MED16: variants seen among roughly 807,000 people sequenced by gnomAD.
The protein encoded by MED16 is mediator complex subunit 16, also known as mediator of RNA polymerase II transcription subunit 16.
A neutral mutation model predicts 84.4 loss-of-function variants in MED16; 81 were observed. The ratio of observed to expected loss-of-function variants is 0.96; its 90% confidence interval spans 0.80 to 1.15. The LOEUF (loss-of-function observed/expected upper bound fraction) is 1.15, where lower values mean the gene tolerates loss of function less well. Ranked by LOEUF, MED16 falls within the 50% of genes most tolerant of loss-of-function variation. The pLI is 0.00. For synonymous variants in MED16, 897 were observed against 552.2 expected (o/e 1.62, Z -8.76); for missense variants, 1,585 against 1,245.9 (o/e 1.27, Z -4.10).
At chr19:891,911 C>T (rs1417479474) in intron 1 of MED16, among the ~76,000 whole-genome samples, 2 of 125,434 alleles carry the variant, frequency 1.6e-5, no homozygotes, top group Non-Finnish European at 3.3e-5. Context: ...CACCTGTGGC[C>T]GAGGCGGGGC....
rs561070838 is a variant in MED16 at position 881,415 on chromosome 19, G to A, written c.1141+144C>T. 16 of 922,562 alleles carry A rather than the reference G, an allele frequency of 1.7e-5. No homozygotes were observed. In the Admixed American group the frequency reaches 2.1e-4, roughly 12 times the overall value. 57.1% of individuals were successfully genotyped at this position (922,562 alleles called of 1,614,324 possible). On this transcript the variant is annotated intron_variant, in intron 7 of 15. Coordinates refer to ENST00000325464, the MANE Select transcript of MED16 (RefSeq NM_005481.3). ...ATTGGGAACCCATCAGAACCCAGAA[G>A]GCTGAGCTCCTACAGCCCCATGGCC...
chr19:871,651 C>G (rs76711088), intron 12 of MED16: 3 of 1,589,366 alleles, frequency 1.9e-6, no homozygotes, highest in Non-Finnish European at 2.6e-6. Flanking sequence ...GAGCATGGAC[C>G]TGTGCTAGGA....
At position 880,083 on chromosome 19, in the gene MED16, C is replaced by G. The variant is rs995330005; in HGVS notation, c.1207G>C (p.Ala403Pro). The G allele has an allele frequency of 1.3e-5, 21 of 1,610,714 alleles. No individual in the cohort carries two copies. Among genetic ancestry groups the G allele is most frequent in the African/African-American group, 2.7e-5 (2 of 74,914 alleles). ...GGGGCCGCGGAGCTGTAGAAGACGG[C>G]CATGGTCTGCAGTGAGAGCCGGTGC... ...IVHRLSLQTM[A>P]VFYSSAAPRP... is the part of the protein sequence containing the mutation. The change falls in exon 8 of 16, where the codon GCC becomes CCC. Residue 403 changes from alanine to proline, a missense_variant. Coordinates refer to ENST00000325464, the MANE Select transcript of MED16 (RefSeq NM_005481.3).
chr19:882,628 G>A (rs1029735894), intron 6 of MED16, among the ~76,000 whole-genome samples: 1 of 152,246 alleles, frequency 6.6e-6, no homozygotes, highest in African/African-American at 2.4e-5. Flanking sequence ...GCTGGAGCAT[G>A]TGCGGCCAGT....
rs1348626847 is a variant in MED16 at position 893,130 on chromosome 19, T to C, written c.-63A>G. 3 of 152,276 alleles carry C rather than the reference T, an allele frequency of 2.0e-5. No homozygotes were observed. The highest frequency in any genetic ancestry group is 4.4e-5 in the Non-Finnish European group (3 of 68,072). 9.4% of individuals were successfully genotyped at this position (152,276 alleles called of 1,614,324 possible). A position where few individuals can be genotyped will look rare whatever the true frequency, so the allele number is the denominator to read the frequency against. On this transcript the variant is annotated 5_prime_UTR_variant, in exon 1 of 16. Coordinates refer to ENST00000325464, the MANE Select transcript of MED16 (RefSeq NM_005481.3). ...AGCTCAGCGGGCGTCCGCGGTGCGA[T>C]CTTCCCTAGCGCCTCGGGTCTGGCG...
chr19:874,904 C>G (rs2036192384), intron 10 of MED16, among the ~76,000 whole-genome samples: 4 of 152,016 alleles, frequency 2.6e-5, no homozygotes, highest in Admixed American at 2.0e-4. Context: ...AGCCTTTAGG[C>G]TATATCCCAG....
At chr19:880,290 G>C in intron 7 of MED16, 142 bp from the exon 8 acceptor site, 1 of 680,542 alleles carries the variant, frequency 1.5e-6, no homozygotes, top group Non-Finnish European at 2.3e-6. Context: ...TCCAGCGCCC[G>C]TGCCCCCAGC....
intron 9 of MED16, among the ~76,000 whole-genome samples, chr19:876,740 T>G (rs997709503): frequency 6.6e-5 from 10 of 151,922 alleles, no homozygotes; most frequent in South Asian, 4.2e-4. Flanking sequence ...ACATCTGCCG[T>G]GGGGACCTCT....
chr19:877,594 T>TGGCGAGG (rs1555716197), intron 8 of MED16, among the ~76,000 whole-genome samples: 1 of 152,024 alleles, frequency 6.6e-6, no homozygotes, highest in Non-Finnish European at 1.5e-5. Context: ...GGCGAGGGGC[T>TGGCGAGG]TGCACCTGTG....
intron 12 of MED16, chr19:871,546 G>A (rs1461828678): frequency 1.1e-5 from 18 of 1,584,138 alleles, no homozygotes; most frequent in African/African-American, 1.3e-5. Context: ...ATGTAAGAAT[G>A]ACACAGCTCA....
intron 4 of MED16, among the ~76,000 whole-genome samples, 158 bp downstream of exon 4, chr19:889,480 A>C (rs1364295581): frequency 6.6e-6 from 1 of 152,158 alleles, no homozygotes; most frequent in African/African-American, 2.4e-5. Flanking sequence ...AGGCCACTGA[A>C]CACACAGGTG....
intron 11 of MED16, chr19:872,904 G>A (rs1033407100): frequency 2.0e-6 from 2 of 1,014,332 alleles, no homozygotes; most frequent in Non-Finnish European, 2.4e-6. Context: ...CCAAGGAAAG[G>A]CTTCTTACAG....
At chr19:882,866 T>A (rs776739650) in intron 6 of MED16, among the ~76,000 whole-genome samples, 4 of 152,090 alleles carry the variant, frequency 2.6e-5, no homozygotes, top group Non-Finnish European at 5.9e-5. Context: ...AGCCTTGACC[T>A]CCTGCAAACC....
At chr19:877,965 C>A (rs1460509480) in intron 8 of MED16, among the ~76,000 whole-genome samples, 1 of 80,578 alleles carries the variant, frequency 1.2e-5, no homozygotes, top group South Asian at 4.7e-4. Flanking sequence ...GCCCCAGCCC[C>A]AGCCCCAGCC....
In MED16 at chr19:891,134, G is replaced by A. The variant is rs1039323349; in HGVS notation, c.-3C>T. On this transcript the variant is annotated 5_prime_UTR_variant, in exon 2 of 16. Coordinates refer to ENST00000325464, the MANE Select transcript of MED16 (RefSeq NM_005481.3). ...GCTGGCCGCCGCAAATCACACATGAGGGCAGTCACCAGCTCCTGCGGGAGG... is the reference window on the plus strand; with the variant it reads ...GCTGGCCGCCGCAAATCACACATGAAGGCAGTCACCAGCTCCTGCGGGAGG... The A allele has an allele frequency of 3.1e-6, 5 of 1,611,150 alleles. No homozygotes were observed. Among genetic ancestry groups the A allele is most frequent in the African/African-American group, 1.3e-5 (1 of 74,898 alleles).
At chr19:892,941 C>CCGCGCCCCGCGCCA (rs1836010523) in intron 1 of MED16, 145 bp downstream of exon 1, 1 of 150,462 alleles carries the variant, frequency 6.6e-6, no homozygotes, top group Non-Finnish European at 1.5e-5. Context: ...GCCCCGCGCC[C>CCGCGCCCCGCGCCA]CAGGCCGCCT....
chr19:890,065 C>G (rs980902186), intron 3 of MED16, 72 bp downstream of exon 3: 14 of 1,218,360 alleles, frequency 1.1e-5, no homozygotes, highest in African/African-American at 1.5e-5. Flanking sequence ...CCAGACTGAC[C>G]GGAGAAACAC....
chr19:871,406 G>C (rs965504727), intron 12 of MED16, among the ~76,000 whole-genome samples, 153 bp from the exon 13 acceptor site: 5 of 151,982 alleles, frequency 3.3e-5, no homozygotes, highest in Non-Finnish European at 4.4e-5. Context: ...CTCTCACCAG[G>C]TCGGGGCCCC....
intron 7 of MED16, among the ~76,000 whole-genome samples, chr19:881,019 G>A (rs1165967152): frequency 6.6e-6 from 1 of 152,182 alleles, no homozygotes; most frequent in Non-Finnish European, 1.5e-5. Flanking sequence ...CCTCTCTGCA[G>A]GCTCTGAGGA....
Sources: gnomAD v4.1 joint callset for allele counts (sites outside exome capture counted in the v4.1 genomes callset) on GRCh38, gnomAD v4.1.1 for gene constraint, MANE v1.5 for transcripts, NCBI Gene and HGNC (gene_info 2026-07-23, HGNC 2026-07-21) for gene names.